The following PCDHGA1 variants were observed in gnomAD, a reference collection of about 807,000 sequenced individuals.
PCDHGA1 encodes the protein protocadherin gamma subfamily A, 1, also known as protocadherin gamma-A1.
Under a neutral mutation model 58.0 loss-of-function variants are expected in PCDHGA1, and 32 were observed. That is an observed-to-expected ratio of 0.55 (90% CI 0.42 to 0.74). PCDHGA1 has a LOEUF of 0.74. Among genes scored for constraint, PCDHGA1 ranks in the 30% least tolerant of loss-of-function variants. PCDHGA1 has a pLI of 0.00. For missense variants in PCDHGA1, 1,205 were observed against 1,182.3 expected, an observed-to-expected ratio of 1.02 and a Z score of -0.28; for synonymous variants, 498 against 501.1, an observed-to-expected ratio of 0.99 and a Z score of 0.08.
chr5:141,400,229 T>C lies in PCDHGA1; in HGVS notation c.2421+67124T>C, dbSNP rs370433551. ...GCCTTGATCTCAGTGCTCTTCCTCCTGGCCGTGATTCTGGCCGTTGCCTTG... is the reference window on the plus strand; with the variant it reads ...GCCTTGATCTCAGTGCTCTTCCTCCCGGCCGTGATTCTGGCCGTTGCCTTG... On this transcript the variant is annotated intron_variant, in intron 1 of 3. Transcript: ENST00000517417. 3.1e-6 allele frequency: 5 copies of C among 1,613,872 alleles called. No individual in the cohort carries two copies. In the African/African-American group the frequency reaches 4.0e-5, roughly 13 times the overall value.
Position 141,486,563 on chromosome 5 carries a change from G to T in PCDHGA1, c.2422-8244G>T, listed in dbSNP as rs558244990. Reference sequence around the variant, plus strand: ...CTTTCAGAGGTCACATGAGGTGTTTGTTCCTGAGAACAATCGCCCAGGGGA... The same window carrying T: ...CTTTCAGAGGTCACATGAGGTGTTTTTTCCTGAGAACAATCGCCCAGGGGA... On this transcript the variant is annotated intron_variant, in intron 1 of 3. Transcript: ENST00000517417. The surrounding 1 kb of genome is among the most constrained non-coding windows in gnomAD (Gnocchi z 5.0). The T allele has an allele frequency of 4.3e-6, 7 of 1,614,006 alleles. No individual in the cohort carries two copies. The highest frequency in any genetic ancestry group is 4.0e-5 in the African/African-American group (3 of 75,054).
chr5:141,345,365 C>G, intron 1 of PCDHGA1: 1 of 1,614,166 alleles, frequency 6.2e-7, no homozygotes, highest in Non-Finnish European at 8.5e-7. Flanking sequence ...ATGTGATTGA[C>G]ATCAATGACA....
chr5:141,423,693 G>A (rs114008539), intron 1 of PCDHGA1: 1 of 1,396,244 alleles, frequency 7.2e-7, no homozygotes, highest in Non-Finnish European at 9.4e-7. Flanking sequence ...CTAATTGTTG[G>A]TGTCTTGGCA....
At chr5:141,407,961 A>C in intron 1 of PCDHGA1, 1 of 672,320 alleles carries the variant, frequency 1.5e-6, no homozygotes, top group Non-Finnish European at 2.4e-6. Context: ...AGTGCAGAGC[A>C]AGCGCTGACG....
intron 1 of PCDHGA1, chr5:141,383,606 A>G (rs368778165): frequency 6.2e-7 from 1 of 1,613,768 alleles, no homozygotes; most frequent in Non-Finnish European, 8.5e-7. Flanking sequence ...GTGGATGTGA[A>G]TGACCACACG....
At chr5:141,423,821 C>A (rs2096784513) in intron 1 of PCDHGA1, 1 of 1,272,728 alleles carries the variant, frequency 7.9e-7, no homozygotes, top group Admixed American at 3.9e-5. Context: ...TTTACTTTGC[C>A]TTTCATGAGA....
At chr5:141,344,593 AG>A in intron 1 of PCDHGA1, 5 of 1,613,956 alleles carry the variant, frequency 3.1e-6, no homozygotes, top group Non-Finnish European at 4.2e-6. Flanking sequence ...AGCGTCTCTG[AG>A]GGGGCCAAGT....
At chr5:141,392,867 G>C in intron 1 of PCDHGA1, 6 of 1,612,942 alleles carry the variant, frequency 3.7e-6, no homozygotes, top group Non-Finnish European at 5.1e-6. Flanking sequence ...TGCTGTGCGC[G>C]CTGCTGGGAA....
intron 1 of PCDHGA1, chr5:141,478,272 A>G: frequency 6.2e-7 from 1 of 1,614,160 alleles, no homozygotes; most frequent in Non-Finnish European, 8.5e-7. Context: ...AAAGTTTACA[A>G]GTGGAAGCAG....
Position 141,486,697 on chromosome 5 carries a change from C to G in PCDHGA1, c.2422-8110C>G. 1 of 1,614,176 alleles carries G rather than the reference C, an allele frequency of 6.2e-7. No individual in the cohort carries two copies. The highest frequency in any genetic ancestry group is 8.5e-7 in the Non-Finnish European group (1 of 1,180,032). ...GAGATGTATCAGCTTCCTCTTTCATCTCTCTGAACCCCCAGACAGGAGCTG... is the reference window on the plus strand; with the variant it reads ...GAGATGTATCAGCTTCCTCTTTCATGTCTCTGAACCCCCAGACAGGAGCTG... On this transcript the variant is annotated intron_variant, in intron 1 of 3. Coordinates refer to ENST00000517417, the MANE Select transcript of PCDHGA1 (RefSeq NM_018912.3). The surrounding 1 kb of genome is among the most constrained non-coding windows in gnomAD (Gnocchi z 5.0).
At chr5:141,341,259 C>A in intron 1 of PCDHGA1, 1 of 1,614,192 alleles carries the variant, frequency 6.2e-7, no homozygotes, top group Non-Finnish European at 8.5e-7. Context: ...ACTGCGGACT[C>A]GCGGAAGAGC....
intron 1 of PCDHGA1, chr5:141,399,976 CTGCGCACAGGAGAGG>C: frequency 1.2e-6 from 2 of 1,612,242 alleles, no homozygotes; most frequent in Non-Finnish European, 8.5e-7. Context: ...CAGCCTGGGG[CTGCGCACAGGAGAGG>C]TGCGCACAGC....
intron 1 of PCDHGA1, chr5:141,355,235 G>C (rs146402451): frequency 1.2e-3 from 1,998 of 1,612,170 alleles, no homozygotes; most frequent in Non-Finnish European, 1.5e-3. Context: ...GACCACACCC[G>C]GCTGCTCCAG....
rs1428628914 is a variant in PCDHGA1, at chr5:141,487,223, G to A, written c.2422-7584G>A. 1.2e-6 allele frequency: 2 copies of A among 1,614,076 alleles called. No homozygotes were observed. The highest frequency in any genetic ancestry group is 2.2e-5 in the East Asian group (1 of 44,866). The stretch of plus-strand genomic sequence containing the variant: ...TCTTCGAGAATCTTCAGCTCCAAGG[G>A]AAGGAGAATCTCGTCTAACCCTCTA... On this transcript the variant is annotated intron_variant, in intron 1 of 3. Transcript: ENST00000517417. This position sits in a 1 kb window ranked among gnomAD's most constrained non-coding sequence, Gnocchi z 5.0.
intron 1 of PCDHGA1, chr5:141,355,493 G>A (rs1256895826): frequency 6.2e-7 from 1 of 1,613,954 alleles, no homozygotes; most frequent in Admixed American, 1.7e-5. Flanking sequence ...CTCTGCGACA[G>A]ATCTCCAAAC....
intron 1 of PCDHGA1, chr5:141,355,014 T>TTTAATCAG: frequency 1.2e-6 from 1 of 854,480 alleles, no homozygotes; most frequent in South Asian, 2.9e-5. Flanking sequence ...AAACCAGAAA[T>TTTAATCAG]TTAATCAGAA....
chr5:141,458,624 C>G (rs1382508302), intron 1 of PCDHGA1, among the ~76,000 whole-genome samples: 1 of 152,082 alleles, frequency 6.6e-6, no homozygotes, highest in East Asian at 1.9e-4. Context: ...GGCTGGAGTG[C>G]AGTGGCACAA....
chr5:141,455,660 G>A (rs1485792613), intron 1 of PCDHGA1, among the ~76,000 whole-genome samples: 1 of 152,134 alleles, frequency 6.6e-6, no homozygotes, highest in Non-Finnish European at 1.5e-5. Flanking sequence ...CCAGGAACTT[G>A]TGGGGCAAGG....
chr5:141,477,002 G>A lies in PCDHGA1; in HGVS notation c.2422-17805G>A, dbSNP rs770390597. On this transcript the variant is annotated intron_variant, in intron 1 of 3. Coordinates refer to ENST00000517417, the MANE Select transcript of PCDHGA1 (RefSeq NM_018912.3). The surrounding 1 kb of genome is among the most constrained non-coding windows in gnomAD (Gnocchi z 4.9). ...CCGCGCCGGCGTGCGGCAACTATTC[G>A]CCTTAGACCTTGTAACCGGGATGCT... 6.2e-7 allele frequency: 1 copy of A among 1,614,102 alleles called. No homozygotes were observed. The highest frequency in any genetic ancestry group is 1.3e-5 in the African/African-American group (1 of 74,952).
Sources: allele counts gnomAD v4.1 joint callset (sites outside exome capture counted in the v4.1 genomes callset), GRCh38; gene constraint gnomAD v4.1.1; non-coding constraint Gnocchi (gnomAD v3.1); transcripts MANE v1.5; gene names NCBI Gene and HGNC (gene_info 2026-07-23, HGNC 2026-07-21).